CPXM2: variants seen among roughly 807,000 people sequenced by gnomAD.
The protein encoded by CPXM2 is carboxypeptidase X, M14 family member 2.
In CPXM2, 66 loss-of-function variants were observed where a neutral mutation model predicts 86.1. The observed-to-expected ratio is 0.77, with a 90% CI of 0.63 to 0.94. The LOEUF (loss-of-function observed/expected upper bound fraction) is 0.94, where lower values mean the gene tolerates loss of function less well. CPXM2 is among the 40% of genes least tolerant of loss of function. The probability of loss-of-function intolerance (pLI) is 0.00; values close to 1 mark genes in which losing one functional copy is unlikely to be tolerated. For missense variants in CPXM2, 948 were observed against 1,026.3 expected (o/e 0.92, Z 1.04); for synonymous variants, 388 against 400.2 (o/e 0.97, Z 0.36).
intron 2 of CPXM2, among the ~76,000 whole-genome samples, chr10:123,898,113 A>G (rs1945352651): frequency 6.6e-6 from 1 of 152,242 alleles, no homozygotes; most frequent in Admixed American, 6.5e-5. Context: ...CCCACCACAC[A>G]AGAGACACTG....
rs545448414 is a variant in CPXM2 at position 123,757,449 on chromosome 10, G to A, written c.1778-97C>T. 4.5e-5 allele frequency: 47 copies of A among 1,044,508 alleles called. No individual in the cohort carries two copies. In the African/African-American group the frequency reaches 5.0e-4, roughly 11 times the overall value. The allele number at this position is 1,044,508 out of a possible 1,614,324, so 64.7% of individuals were successfully genotyped here. ...GCAGCAAGGATGTTTAAGAACATTC[G>A]GAAGGCCTTGTTTAAACAGGGAGAT... On this transcript the variant is annotated intron_variant, in intron 11 of 13. Coordinates refer to ENST00000241305, the MANE Select transcript of CPXM2 (RefSeq NM_198148.3).
intron 2 of CPXM2, among the ~76,000 whole-genome samples, chr10:123,877,201 A>G (rs1273735647): frequency 6.6e-6 from 1 of 152,254 alleles, no homozygotes. Flanking sequence ...ATAACATGGC[A>G]TAAGGTAATT....
chr10:123,758,116 C>T (rs2133980852), intron 11 of CPXM2, among the ~76,000 whole-genome samples: 1 of 152,266 alleles, frequency 6.6e-6, no homozygotes, highest in Non-Finnish European at 1.5e-5. Context: ...AGCCTTCTGC[C>T]TCCTGGCATG....
intron 2 of CPXM2, among the ~76,000 whole-genome samples, chr10:123,909,949 G>T (rs1373668920): frequency 6.6e-6 from 1 of 152,222 alleles, no homozygotes; most frequent in Non-Finnish European, 1.5e-5. Context: ...GCCCTCGAGA[G>T]AGGTGGCCCA....
intron 1 of CPXM2, among the ~76,000 whole-genome samples, chr10:123,882,002 T>C (rs1288147461): frequency 6.6e-6 from 1 of 152,216 alleles, no homozygotes; most frequent in East Asian, 1.9e-4. Flanking sequence ...AAACTTAGCT[T>C]GAACTTTAAA....
At chr10:123,860,167 T>C (rs1044904474) in intron 3 of CPXM2, among the ~76,000 whole-genome samples, 1 of 152,162 alleles carries the variant, frequency 6.6e-6, no homozygotes, top group African/African-American at 2.4e-5. Flanking sequence ...AAGACCAACC[T>C]GGGACTTTCC....
At chr10:123,920,685 G>A (rs1223022284) in intron 2 of CPXM2, among the ~76,000 whole-genome samples, 1 of 152,152 alleles carries the variant, frequency 6.6e-6, no homozygotes, top group Non-Finnish European at 1.5e-5. Context: ...TCACGTGTTG[G>A]AAACTTAATC....
intron 2 of CPXM2, among the ~76,000 whole-genome samples, chr10:123,901,474 T>TGTGTGTGTGTGTGTG (rs1564818122): frequency 4.7e-5 from 7 of 149,464 alleles, no homozygotes; most frequent in African/African-American, 1.5e-4. Context: ...TGTGTGTGTG[T>TGTGTGTGTGTGTGTG]TTTCCCCTAT....
intron 13 of CPXM2, 96 bp from the exon 14 acceptor site, chr10:123,747,113 G>C: frequency 7.0e-7 from 1 of 1,426,604 alleles, no homozygotes; most frequent in Non-Finnish European, 9.5e-7. Flanking sequence ...GCCAGAGAGA[G>C]ACTCTCAGGC....
At position 123,885,921 on chromosome 10, in the gene CPXM2, T is replaced by C. The variant is rs186402752; in HGVS notation, c.304+5435A>G. ...GTGGCTATTTTTAAGAACCACAGCA[T>C]GCAGTCCAGCTTTCGCAAACGTGGG... On this transcript the variant is annotated intron_variant, in intron 1 of 13. Coordinates refer to ENST00000241305, the MANE Select transcript of CPXM2 (RefSeq NM_198148.3). The surrounding 1 kb of genome is among the most constrained non-coding windows in gnomAD (Gnocchi z 4.0). Among the ~76,000 whole-genome samples, 131 of 152,374 alleles carry C rather than the reference T, an allele frequency of 8.6e-4. No homozygotes were observed. The highest frequency in any genetic ancestry group is 4.2e-3 in the East Asian group (22 of 5,186).
intron 2 of CPXM2, among the ~76,000 whole-genome samples, chr10:123,919,265 G>T (rs780441617): frequency 1.8e-4 from 27 of 152,192 alleles, no homozygotes; most frequent in Non-Finnish European, 3.4e-4. Flanking sequence ...ACAGGGACTT[G>T]TGGTCCATTC....
intron 6 of CPXM2, 102 bp from the exon 7 acceptor site, chr10:123,780,357 C>T (rs1308187040): frequency 9.0e-6 from 7 of 780,546 alleles, no homozygotes; most frequent in African/African-American, 1.7e-5. Flanking sequence ...GCAGCCCAAT[C>T]TCTAGCTTCT....
intron 7 of CPXM2, among the ~76,000 whole-genome samples, chr10:123,774,317 C>T (rs4980162): frequency 0.28 from 42,635 of 152,110 alleles, 7,410 homozygotes; most frequent in Non-Finnish European, 0.39. Flanking sequence ...GAACTGAGTG[C>T]GTTCTAGCAA....
chr10:123,906,305 C>T (rs1386144304), intron 2 of CPXM2, among the ~76,000 whole-genome samples: 1 of 152,182 alleles, frequency 6.6e-6, no homozygotes, highest in East Asian at 1.9e-4. Flanking sequence ...AGAGATGGAA[C>T]CAAGGTGCTT....
chr10:123,883,067 A>G (rs947417010), intron 1 of CPXM2, among the ~76,000 whole-genome samples: 2 of 151,472 alleles, frequency 1.3e-5, no homozygotes, highest in African/African-American at 4.8e-5. Flanking sequence ...ACATCACAAC[A>G]CCATGGCCCG....
intron 2 of CPXM2, chr10:123,914,037 C>T: frequency 2.0e-6 from 1 of 495,396 alleles, no homozygotes; most frequent in Non-Finnish European, 4.1e-6. Flanking sequence ...ACCTTAAAGG[C>T]AGGAAGTCAG....
At chr10:123,835,199 G>A (rs1002134298) in intron 4 of CPXM2, among the ~76,000 whole-genome samples, 6 of 152,152 alleles carry the variant, frequency 3.9e-5, no homozygotes, top group African/African-American at 7.2e-5. Context: ...AAAAACAGGC[G>A]GGAAGCAAAG....
intron 13 of CPXM2, chr10:123,752,578 C>G (rs1338534243): frequency 2.0e-6 from 2 of 985,260 alleles, no homozygotes; most frequent in African/African-American, 1.7e-5. Context: ...CCTAATGTCC[C>G]AAAGTCTGCT....
chr10:123,919,137 T>C (rs1385485112), intron 2 of CPXM2, among the ~76,000 whole-genome samples: 1 of 152,084 alleles, frequency 6.6e-6, no homozygotes, highest in Non-Finnish European at 1.5e-5. Flanking sequence ...CTGCTGTACA[T>C]CCACTGCTCA....
Sources: allele counts gnomAD v4.1 joint callset (sites outside exome capture counted in the v4.1 genomes callset), GRCh38; gene constraint gnomAD v4.1.1; non-coding constraint Gnocchi (gnomAD v3.1); transcripts MANE v1.5; gene names NCBI Gene and HGNC (gene_info 2026-07-23, HGNC 2026-07-21).